Variants in GPR158 observed in about 807,000 individuals in gnomAD.
The protein encoded by GPR158 is G protein-coupled receptor 158.
GPR158 carries 30 observed loss-of-function variants against 78.2 expected under a neutral mutation model. The ratio of observed to expected loss-of-function variants is 0.38; its 90% CI spans 0.29 to 0.52. The LOEUF (loss-of-function observed/expected upper bound fraction) is 0.52, where lower values mean the gene tolerates loss of function less well. Ranked by LOEUF, GPR158 falls within the 20% of genes least tolerant of loss-of-function variation. GPR158 has a pLI of 0.83. For synonymous variants in GPR158, 581 were observed against 591.1 expected (o/e 0.98, Z 0.25); for missense variants, 1,463 against 1,523.5 (o/e 0.96, Z 0.66).
chr10:25,433,536 G>GTGTGTGTGTGTGTGTGTGTGTGTGT (rs150589257), intron 4 of GPR158, among the ~76,000 whole-genome samples: 15 of 131,890 alleles, frequency 1.1e-4, no homozygotes, highest in Admixed American at 8.0e-4. Flanking sequence ...TTAGGGGTGT[G>GTGTGTGTGTGTGTGTGTGTGTGTGT]TGTGTGTGTG....
chr10:25,372,167 CA>C (rs1834004487), intron 2 of GPR158, among the ~76,000 whole-genome samples: 1 of 151,872 alleles, frequency 6.6e-6, no homozygotes, highest in African/African-American at 2.4e-5. Flanking sequence ...GATACCATCT[CA>C]TACTGGTTAG....
chr10:25,242,162 A>T (rs1853636648), intron 2 of GPR158, among the ~76,000 whole-genome samples: 1 of 152,238 alleles, frequency 6.6e-6, no homozygotes, highest in South Asian at 2.1e-4. Context: ...ATAGCATAAA[A>T]TGACCTAGGC....
intron 6 of GPR158, among the ~76,000 whole-genome samples, chr10:25,554,815 A>G (rs1175389016): frequency 1.3e-5 from 2 of 152,104 alleles, no homozygotes; most frequent in African/African-American, 2.4e-5. Flanking sequence ...CATTGTTTAG[A>G]ATCACCAGTA....
chr10:25,562,090 T>C (rs1322922341), intron 6 of GPR158, among the ~76,000 whole-genome samples: 1 of 150,936 alleles, frequency 6.6e-6, no homozygotes, highest in Non-Finnish European at 1.5e-5. Flanking sequence ...AAAATTTACA[T>C]AACAAAATTC....
chr10:25,186,534 AG>A (rs1852688480), intron 1 of GPR158, among the ~76,000 whole-genome samples: 1 of 152,174 alleles, frequency 6.6e-6, no homozygotes, highest in Non-Finnish European at 1.5e-5. Context: ...AAAATGATAA[AG>A]GGGTTATCAC....
intron 4 of GPR158, among the ~76,000 whole-genome samples, chr10:25,450,327 C>CTGAAG (rs1200848632): frequency 6.6e-6 from 1 of 150,914 alleles, no homozygotes; most frequent in Non-Finnish European, 1.5e-5. Flanking sequence ...CTGTTCTGTG[C>CTGAAG]TGAAGATGCT....
intron 2 of GPR158, among the ~76,000 whole-genome samples, chr10:25,381,269 G>A (rs770338807): frequency 1.3e-5 from 2 of 152,208 alleles, no homozygotes; most frequent in Non-Finnish European, 2.9e-5. Context: ...CATCACTTGT[G>A]TATTTGGCAA....
chr10:25,574,420 A>T (rs1259800609), intron 7 of GPR158, among the ~76,000 whole-genome samples: 1 of 152,182 alleles, frequency 6.6e-6, no homozygotes, highest in Non-Finnish European at 1.5e-5. Context: ...GAGAATTATT[A>T]AAAGTTATTA....
chr10:25,342,314 C>T (rs1298937142), intron 2 of GPR158, among the ~76,000 whole-genome samples: 4 of 151,768 alleles, frequency 2.6e-5, no homozygotes, highest in Middle Eastern at 6.3e-3. Flanking sequence ...TGCCTTACAT[C>T]ATTCCCCTTC....
intron 2 of GPR158, among the ~76,000 whole-genome samples, chr10:25,338,497 G>GT (rs1390688940): frequency 2.2e-3 from 268 of 121,548 alleles, no homozygotes; most frequent in African/African-American, 8.5e-3. Flanking sequence ...TATAATATAC[G>GT]TATATATATT....
intron 4 of GPR158, among the ~76,000 whole-genome samples, chr10:25,457,439 A>G (rs1036292672): frequency 2.0e-5 from 3 of 147,752 alleles, no homozygotes; most frequent in African/African-American, 7.6e-5. Flanking sequence ...TGACTTCTGT[A>G]TGCTTTTTTT....
At chr10:25,387,869 A>C (rs974108716) in intron 2 of GPR158, among the ~76,000 whole-genome samples, 2 of 152,054 alleles carry the variant, frequency 1.3e-5, no homozygotes, top group Non-Finnish European at 2.9e-5. Context: ...TCTTTTATAC[A>C]TGTTTAGTAG....
intron 6 of GPR158, among the ~76,000 whole-genome samples, chr10:25,558,269 C>A (rs563673071): frequency 1.1e-3 from 169 of 152,318 alleles, no homozygotes; most frequent in African/African-American, 3.9e-3. Context: ...TATAAAAACC[C>A]ATCTGGTAAT....
intron 2 of GPR158, among the ~76,000 whole-genome samples, chr10:25,392,323 C>T (rs1481333439): frequency 6.6e-6 from 1 of 152,212 alleles, no homozygotes; most frequent in Non-Finnish European, 1.5e-5. Flanking sequence ...CTCACTCACA[C>T]ACCCCCACTG....
chr10:25,474,247 A>C (rs932429611), intron 5 of GPR158, among the ~76,000 whole-genome samples: 1 of 152,096 alleles, frequency 6.6e-6, no homozygotes, highest in Admixed American at 6.6e-5. Context: ...CTTAAGACTC[A>C]TTTTGGGCAT....
intron 2 of GPR158, among the ~76,000 whole-genome samples, chr10:25,256,455 C>T (rs1853889028): frequency 6.6e-6 from 1 of 152,056 alleles, no homozygotes. Flanking sequence ...AGTTCAAGAC[C>T]AACCTGGGTA....
intron 2 of GPR158, among the ~76,000 whole-genome samples, chr10:25,266,694 T>C (rs1043519345): frequency 7.2e-5 from 11 of 152,168 alleles, no homozygotes; most frequent in African/African-American, 2.7e-4. Flanking sequence ...AAATAAATTC[T>C]ATAAATAGTA....
chr10:25,394,206 A>G (rs1834338667), intron 2 of GPR158, among the ~76,000 whole-genome samples: 1 of 152,142 alleles, frequency 6.6e-6, no homozygotes. Context: ...TTAGGCCATC[A>G]TGGTGGCACT....
chr10:25,225,247 A>G lies in GPR158; in HGVS notation c.1008+4090A>G, dbSNP rs542908332. Among the ~76,000 whole-genome samples the G allele has an allele frequency of 5.3e-5, 8 of 149,788 alleles. No homozygotes were observed. The South Asian group carries it at 1.3e-3, about 24-fold the overall frequency. ...CTTTAAGCTCAGAAGTGAGCAGTTC[A>G]TTTTGAAATAATCAGAGAATCTTTA... On this transcript the variant is annotated intron_variant, in intron 2 of 10. Coordinates refer to ENST00000376351, the MANE Select transcript of GPR158 (RefSeq NM_020752.3).
Sources: gnomAD v4.1 joint callset for allele counts (sites outside exome capture counted in the v4.1 genomes callset) on GRCh38, gnomAD v4.1.1 for gene constraint, MANE v1.5 for transcripts, NCBI Gene and HGNC (gene_info 2026-07-23, HGNC 2026-07-21) for gene names.